The following SNTB1 variants were observed in gnomAD, a reference collection of about 807,000 sequenced individuals.
SNTB1 encodes beta-1-syntrophin.
In SNTB1, 36 loss-of-function variants were observed where a neutral mutation model predicts 48.9. The observed-to-expected ratio is 0.74, with a 90% CI of 0.56 to 0.97. SNTB1 has a LOEUF of 0.97. Among genes scored for constraint, SNTB1 ranks in the 50% least tolerant of loss-of-function variants. The pLI is 0.00. For synonymous variants in SNTB1, 299 were observed against 294.6 expected, an observed-to-expected ratio of 1.01 and a Z score of -0.15; for missense variants, 786 against 703.4, an observed-to-expected ratio of 1.12 and a Z score of -1.33.
At chr8:120,811,224 A>C (rs889621017) in intron 1 of SNTB1, 49 bp downstream of exon 1, 1 of 1,537,732 alleles carries the variant, frequency 6.5e-7, no homozygotes, top group Non-Finnish European at 8.7e-7. Flanking sequence ...TGGGAAGCCG[A>C]GCAGGTGTGT....
At chr8:120,610,390 T>C (rs1816601432) in intron 3 of SNTB1, among the ~76,000 whole-genome samples, 1 of 152,178 alleles carries the variant, frequency 6.6e-6, no homozygotes, top group South Asian at 2.1e-4. Flanking sequence ...CGCCTCAGCC[T>C]CCCAAAGTGC....
chr8:120,722,602 T>C (rs1307612757), intron 1 of SNTB1, among the ~76,000 whole-genome samples: 4 of 152,194 alleles, frequency 2.6e-5, no homozygotes, highest in African/African-American at 7.2e-5. Context: ...TGTTTTTTTC[T>C]TGTAAGTTTG....
At chr8:120,684,185 G>A (rs926693324) in intron 2 of SNTB1, among the ~76,000 whole-genome samples, 2 of 152,266 alleles carry the variant, frequency 1.3e-5, no homozygotes, top group African/African-American at 4.8e-5. Flanking sequence ...CACTAATCCT[G>A]TTCATGAGGA....
At chr8:120,644,659 G>A (rs956445491) in intron 2 of SNTB1, among the ~76,000 whole-genome samples, 247 of 151,988 alleles carry the variant, frequency 1.6e-3, no homozygotes, top group African/African-American at 5.6e-3. Context: ...ATGATTTATA[G>A]TCCTTTGGGT....
chr8:120,675,236 G>A (rs901893414), intron 2 of SNTB1, among the ~76,000 whole-genome samples: 2 of 152,116 alleles, frequency 1.3e-5, no homozygotes, highest in African/African-American at 4.8e-5. Context: ...ACTATATAAA[G>A]TGAGGAAGAG....
chr8:120,669,175 T>C (rs1475731220), intron 2 of SNTB1, among the ~76,000 whole-genome samples: 1 of 152,166 alleles, frequency 6.6e-6, no homozygotes, highest in Non-Finnish European at 1.5e-5. Context: ...TGAGCCAGAG[T>C]GGGCGCTATT....
intron 1 of SNTB1, among the ~76,000 whole-genome samples, chr8:120,759,289 AGTGG>A (rs1480498162): frequency 1.3e-5 from 2 of 152,190 alleles, no homozygotes; most frequent in Non-Finnish European, 2.9e-5. Context: ...GGGCAAAGCA[AGTGG>A]GTGAACACTG....
intron 2 of SNTB1, among the ~76,000 whole-genome samples, chr8:120,684,007 G>C (rs1269473859): frequency 6.6e-6 from 1 of 152,176 alleles, no homozygotes; most frequent in East Asian, 1.9e-4. Context: ...ACTTCTGACT[G>C]GGAAACTTAT....
chr8:120,740,124 A>G (rs988221595), intron 1 of SNTB1, among the ~76,000 whole-genome samples: 4 of 152,114 alleles, frequency 2.6e-5, no homozygotes, highest in African/African-American at 9.7e-5. Flanking sequence ...TAGTGACAGG[A>G]GGAGAGCTGG....
chr8:120,724,420 C>T (rs1252261963), intron 1 of SNTB1, among the ~76,000 whole-genome samples: 2 of 152,170 alleles, frequency 1.3e-5, no homozygotes, highest in African/African-American at 2.4e-5. Context: ...GTTGTCTCCA[C>T]GCATGCACAA....
intron 2 of SNTB1, chr8:120,635,929 C>A: frequency 2.1e-6 from 1 of 477,038 alleles, no homozygotes; most frequent in South Asian, 2.3e-5. Flanking sequence ...TTTTGCTAAC[C>A]GAATCTTGAT....
intron 1 of SNTB1, among the ~76,000 whole-genome samples, chr8:120,788,781 C>T (rs972168295): frequency 1.3e-5 from 2 of 152,004 alleles, no homozygotes; most frequent in African/African-American, 4.8e-5. Flanking sequence ...TAGTCAGCAG[C>T]ACAATAATAG....
chr8:120,547,420 A>AC (rs1259844521), intron 5 of SNTB1, among the ~76,000 whole-genome samples: 2 of 151,782 alleles, frequency 1.3e-5, no homozygotes, highest in East Asian at 3.9e-4. Context: ...ACATGGTAAA[A>AC]CCCCATCTCT....
intron 4 of SNTB1, among the ~76,000 whole-genome samples, chr8:120,574,473 C>T (rs1815915854): frequency 6.6e-6 from 1 of 152,024 alleles, no homozygotes; most frequent in Admixed American, 6.5e-5. Context: ...ATATTTATCT[C>T]CAAATTTATC....
intron 2 of SNTB1, among the ~76,000 whole-genome samples, chr8:120,690,007 A>G (rs1017470599): frequency 1.3e-5 from 2 of 152,202 alleles, no homozygotes; most frequent in African/African-American, 4.8e-5. Flanking sequence ...ATATAATTAT[A>G]GTAAGTCGAC....
intron 1 of SNTB1, among the ~76,000 whole-genome samples, chr8:120,701,035 G>C (rs1300133206): frequency 1.3e-5 from 2 of 152,194 alleles, no homozygotes; most frequent in Non-Finnish European, 2.9e-5. Context: ...CAAGAAACCT[G>C]GGTATTCAGA....
intron 2 of SNTB1, among the ~76,000 whole-genome samples, chr8:120,689,143 A>C (rs1263069252): frequency 6.6e-6 from 1 of 152,234 alleles, no homozygotes; most frequent in Non-Finnish European, 1.5e-5. Context: ...CAGAAAGAGC[A>C]GCAATCCTGC....
rs71514720 is a variant in SNTB1 at position 120,674,757 on chromosome 8, T to A, written c.788+18935A>T. Among the ~76,000 whole-genome samples the A allele has an allele frequency of 7.7e-3, 1,169 of 152,310 alleles. 12 individuals carry two copies. Among genetic ancestry groups the A allele is most frequent in the Non-Finnish European group, 9.4e-3 (642 of 68,026 alleles). The stretch of plus-strand genomic sequence containing the variant: ...TTACTGTAGCAGAAGTTAATTCAGA[T>A]GAAAATATGACAGAAAGGGTACAGA... On this transcript the variant is annotated intron_variant, in intron 2 of 6. Coordinates refer to ENST00000517992, the MANE Select transcript of SNTB1 (RefSeq NM_021021.4).
intron 2 of SNTB1, chr8:120,637,032 A>G (rs1817091491): frequency 2.8e-6 from 1 of 358,400 alleles, no homozygotes; most frequent in Non-Finnish European, 5.5e-6. Flanking sequence ...TGTCAAATCT[A>G]TAAGTAACTG....
Sources: gnomAD v4.1 joint callset for allele counts (sites outside exome capture counted in the v4.1 genomes callset) on GRCh38, gnomAD v4.1.1 for gene constraint, MANE v1.5 for transcripts, NCBI Gene and HGNC (gene_info 2026-07-23, HGNC 2026-07-21) for gene names.